Variants in GABRG3 observed in about 807,000 individuals in gnomAD.
GABRG3 encodes gamma-aminobutyric acid type A receptor subunit gamma3.
In GABRG3, 25 loss-of-function variants were observed where a neutral mutation model predicts 48.8. The ratio of observed to expected loss-of-function variants is 0.51; its 90% CI spans 0.37 to 0.72. The LOEUF (loss-of-function observed/expected upper bound fraction) is 0.72. GABRG3 is among the 30% of genes least tolerant of loss of function. The pLI is 0.00. For synonymous variants in GABRG3, 227 were observed against 217.6 expected (o/e 1.04, Z -0.38); for missense variants, 394 against 577.9 (o/e 0.68, Z 3.26).
chr15:27,103,588 C>A lies in GABRG3; in HGVS notation c.270+76767C>A, dbSNP rs567677935. On this transcript the variant is annotated intron_variant, in intron 3 of 9. Coordinates refer to ENST00000615808, the MANE Select transcript of GABRG3 (RefSeq NM_033223.5). The stretch of plus-strand genomic sequence containing the variant: ...ATGGAGAAGAGAAAAGCAAAATTAA[C>A]CCCTCCCCTTTCCCTTTAAGTGTTT... Among the ~76,000 whole-genome samples, 35 of 152,272 alleles carry A rather than the reference C, an allele frequency of 2.3e-4. 1 individual carries two copies. The South Asian group carries it at 6.6e-3, about 29-fold the overall frequency.
At chr15:27,266,653 C>T (rs574236751) in intron 3 of GABRG3, among the ~76,000 whole-genome samples, 1 of 152,332 alleles carries the variant, frequency 6.6e-6, no homozygotes. Flanking sequence ...AGTCTTCTGA[C>T]ATACAAACAC....
At chr15:27,200,217 T>G (rs1005689519) in intron 3 of GABRG3, among the ~76,000 whole-genome samples, 8 of 152,230 alleles carry the variant, frequency 5.3e-5, no homozygotes, top group Non-Finnish European at 2.9e-5. Flanking sequence ...TGATTGACAT[T>G]GCCTCTGTGC....
At chr15:27,316,721 T>G (rs1893242950) in intron 3 of GABRG3, among the ~76,000 whole-genome samples, 1 of 152,220 alleles carries the variant, frequency 6.6e-6, no homozygotes, top group Non-Finnish European at 1.5e-5. Flanking sequence ...CAGCATGACA[T>G]TCAATTTCTG....
intron 3 of GABRG3, among the ~76,000 whole-genome samples, chr15:27,143,106 C>G (rs1278382446): frequency 6.6e-6 from 1 of 152,128 alleles, no homozygotes; most frequent in Non-Finnish European, 1.5e-5. Context: ...CAGTCAGTGT[C>G]TCACTCTGTC....
intron 6 of GABRG3, among the ~76,000 whole-genome samples, chr15:27,498,670 T>C (rs1890546007): frequency 1.3e-5 from 2 of 152,060 alleles, no homozygotes; most frequent in African/African-American, 4.8e-5. Flanking sequence ...TTTTGTGTTT[T>C]TAGTAGAGAC....
At chr15:27,251,091 A>G (rs1356449589) in intron 3 of GABRG3, among the ~76,000 whole-genome samples, 1 of 152,176 alleles carries the variant, frequency 6.6e-6, no homozygotes, top group Non-Finnish European at 1.5e-5. Context: ...TGCCTGGCTC[A>G]TTCTATTATC....
chr15:27,093,468 C>G (rs538222544), intron 3 of GABRG3, among the ~76,000 whole-genome samples: 1 of 152,214 alleles, frequency 6.6e-6, no homozygotes, highest in African/African-American at 2.4e-5. Context: ...AGCTGCTAAG[C>G]CCTGCGGCTC....
intron 3 of GABRG3, among the ~76,000 whole-genome samples, chr15:27,163,117 A>G (rs1887252015): frequency 1.3e-5 from 2 of 151,826 alleles, no homozygotes; most frequent in African/African-American, 2.4e-5. Context: ...CCTGCCTACC[A>G]AGCCTGGTCC....
At chr15:27,216,750 T>TTTATTTA (rs1889264680) in intron 3 of GABRG3, among the ~76,000 whole-genome samples, 11 of 125,860 alleles carry the variant, frequency 8.7e-5, no homozygotes, top group African/African-American at 1.3e-4. Flanking sequence ...TTTTTTTATT[T>TTTATTTA]TTTATTTATT....
At chr15:27,140,486 A>T (rs1389235431) in intron 3 of GABRG3, among the ~76,000 whole-genome samples, 1 of 152,204 alleles carries the variant, frequency 6.6e-6, no homozygotes, top group Non-Finnish European at 1.5e-5. Context: ...TTTAATTGAT[A>T]GTTTATCATT....
chr15:26,986,400 G>C lies in GABRG3; in HGVS notation c.202+9250G>C, dbSNP rs191801606. Among the ~76,000 whole-genome samples, 184 of 152,256 alleles carry C rather than the reference G, an allele frequency of 1.2e-3. 1 individual carries two copies. The highest frequency in any genetic ancestry group is 4.3e-3 in the African/African-American group (180 of 41,556). On this transcript the variant is annotated intron_variant, in intron 2 of 9. Coordinates refer to ENST00000615808, the MANE Select transcript of GABRG3 (RefSeq NM_033223.5). ...AATTATACCTGTCATCTCCAGGAGA[G>C]ACTAAGTAGACATCCAAAGGCCGCC... is the stretch of plus-strand genomic sequence containing the variant.
At chr15:27,040,178 C>T (rs1896251427) in intron 3 of GABRG3, among the ~76,000 whole-genome samples, 1 of 152,256 alleles carries the variant, frequency 6.6e-6, no homozygotes, top group African/African-American at 2.4e-5. Context: ...CGCATTTCCA[C>T]TTGCTGTGTT....
chr15:26,979,883 C>A (rs1420964623), intron 2 of GABRG3, among the ~76,000 whole-genome samples: 3 of 152,158 alleles, frequency 2.0e-5, no homozygotes, highest in Non-Finnish European at 4.4e-5. Context: ...ACTCCCTCAT[C>A]TTCTGTTTTC....
intron 9 of GABRG3, among the ~76,000 whole-genome samples, chr15:27,528,548 G>A (rs1354365512): frequency 6.6e-6 from 1 of 152,074 alleles, no homozygotes; most frequent in African/African-American, 2.4e-5. Flanking sequence ...CAGAATGTTT[G>A]GGCAGAGGCG....
chr15:27,445,852 T>C (rs1888928217), intron 5 of GABRG3, among the ~76,000 whole-genome samples: 1 of 152,222 alleles, frequency 6.6e-6, no homozygotes, highest in Non-Finnish European at 1.5e-5. Context: ...TTTCATTCTT[T>C]TTAGCATGTG....
At chr15:27,410,658 T>A (rs1259084526) in intron 5 of GABRG3, among the ~76,000 whole-genome samples, 1 of 152,198 alleles carries the variant, frequency 6.6e-6, no homozygotes, top group African/African-American at 2.4e-5. Flanking sequence ...CTTTAGTATT[T>A]CCCGTAGAGA....
intron 3 of GABRG3, among the ~76,000 whole-genome samples, chr15:27,308,856 A>G (rs1262714805): frequency 6.7e-6 from 1 of 150,354 alleles, no homozygotes. Context: ...CAGAATGTAA[A>G]CATATATGTT....
At chr15:27,129,032 A>G (rs192856791) in intron 3 of GABRG3, among the ~76,000 whole-genome samples, 38 of 152,346 alleles carry the variant, frequency 2.5e-4, no homozygotes, top group Non-Finnish European at 5.0e-4. Context: ...TGGGGAGGGT[A>G]AAAATATACA....
At chr15:27,376,845 C>A (rs1895614190) in intron 5 of GABRG3, among the ~76,000 whole-genome samples, 1 of 152,212 alleles carries the variant, frequency 6.6e-6, no homozygotes. Context: ...CATTCGACTC[C>A]TCATTACTTA....
Sources: allele counts gnomAD v4.1 joint callset (sites outside exome capture counted in the v4.1 genomes callset), GRCh38; gene constraint gnomAD v4.1.1; transcripts MANE v1.5; gene names NCBI Gene and HGNC (gene_info 2026-07-23, HGNC 2026-07-21).